Variants in MTUS2 observed in about 807,000 individuals in gnomAD.
The protein encoded by MTUS2 is microtubule-associated tumor suppressor candidate 2.
In MTUS2, 40 loss-of-function variants were observed where a neutral mutation model predicts 114.1. The observed-to-expected ratio is 0.35, with a 90% confidence interval of 0.27 to 0.46. MTUS2 has a LOEUF of 0.46. MTUS2 is among the 20% of genes least tolerant of loss of function. MTUS2 has a pLI of 1.00. For synonymous variants in MTUS2, 688 were observed against 672.0 expected (o/e 1.02, Z -0.37); for missense variants, 1,679 against 1,705.4 (o/e 0.98, Z 0.27).
intron 9 of MTUS2, among the ~76,000 whole-genome samples, chr13:29,471,747 C>CCCCCCCT (rs1555283307): frequency 3.1e-5 from 4 of 127,812 alleles, no homozygotes; most frequent in Non-Finnish European, 7.2e-5. Context: ...GCCCAGCCCC[C>CCCCCCCT]CCCGACACAT....
Position 29,252,282 on chromosome 13 carries a change from T to C in MTUS2, c.2645-29422T>C, listed in dbSNP as rs57832830. Among the ~76,000 whole-genome samples, 1,060 of 152,316 alleles carry C rather than the reference T, an allele frequency of 7.0e-3. 13 individuals carry two copies. Among genetic ancestry groups the C allele is most frequent in the African/African-American group, 0.024 (993 of 41,570 alleles). ...CAAGTCATGGCTCCTAGTTAGACCA[T>C]GAAATACTCGTTCCCGTGGACTTAT... On this transcript the variant is annotated intron_variant, in intron 5 of 15. Transcript: ENST00000612955.
chr13:28,875,997 A>T (rs1438815812), intron 2 of MTUS2, among the ~76,000 whole-genome samples: 1 of 152,252 alleles, frequency 6.6e-6, no homozygotes, highest in Admixed American at 6.5e-5. Flanking sequence ...GCACACCATT[A>T]TTCTGAAATG....
intron 7 of MTUS2, among the ~76,000 whole-genome samples, chr13:29,337,900 T>C (rs561071564): frequency 1.3e-5 from 2 of 151,252 alleles, no homozygotes; most frequent in Non-Finnish European, 2.9e-5. Context: ...GCAATTCTCC[T>C]GCCTCAGCCT....
At chr13:29,048,816 A>G (rs1031323533) in intron 4 of MTUS2, among the ~76,000 whole-genome samples, 1 of 151,980 alleles carries the variant, frequency 6.6e-6, no homozygotes, top group African/African-American at 2.4e-5. Context: ...TGTTGCTCAG[A>G]CTGTCTTGCT....
intron 9 of MTUS2, among the ~76,000 whole-genome samples, chr13:29,474,733 C>A (rs1288718438): frequency 6.6e-6 from 1 of 152,064 alleles, no homozygotes; most frequent in African/African-American, 2.4e-5. Context: ...TGAGTAGCCC[C>A]CTACTAGTTC....
Position 29,392,394 on chromosome 13 carries a change from G to A in MTUS2, c.3117+32921G>A, listed in dbSNP as rs888198485. On this transcript the variant is annotated intron_variant, in intron 8 of 15. Transcript: ENST00000612955. ...TTCAAGGTTTGTTCAGTTGCAGCAC[G>A]TGCACTTTCAGCCTTTGGGATCTGT... 2.0e-5 allele frequency among the ~76,000 whole-genome samples: 3 copies of A among 152,200 alleles called. 1 individual carries two copies. The highest frequency in any genetic ancestry group is 4.1e-4 in the South Asian group (2 of 4,822).
At position 28,850,363 on chromosome 13, in the gene MTUS2, CTTG is replaced by C. The variant is rs554425188; in HGVS notation, c.-243+10518_-243+10520del. On this transcript the variant is annotated intron_variant, in intron 2 of 15. Coordinates refer to ENST00000612955, the MANE Select transcript of MTUS2 (RefSeq NM_001033602.4). The stretch of plus-strand genomic sequence containing the variant: ...TACAACATGGAAAGTGTGTGTGTCT[CTTG>C]TTGTGCTCTGATCTTGGCTCGTGGC... Among the ~76,000 whole-genome samples the C allele has an allele frequency of 2.0e-3, 297 of 152,278 alleles. 3 individuals are homozygous for C. The highest frequency in any genetic ancestry group is 6.8e-3 in the African/African-American group (283 of 41,564).
At chr13:29,369,413 T>C (rs943328452) in intron 8 of MTUS2, among the ~76,000 whole-genome samples, 2 of 152,132 alleles carry the variant, frequency 1.3e-5, no homozygotes, top group African/African-American at 4.8e-5. Flanking sequence ...CAAATGCCGC[T>C]CTCCTCCCTT....
intron 8 of MTUS2, among the ~76,000 whole-genome samples, chr13:29,383,789 A>C (rs757325081): frequency 2.6e-5 from 4 of 152,172 alleles, no homozygotes; most frequent in African/African-American, 4.8e-5. Context: ...GGAAAAGGAG[A>C]TGCGGCACCT....
chr13:29,148,236 T>C (rs1307091523), intron 5 of MTUS2, among the ~76,000 whole-genome samples: 3 of 151,706 alleles, frequency 2.0e-5, no homozygotes, highest in Admixed American at 6.6e-5. Context: ...TTATTTTAAG[T>C]GCAGGGGTAC....
intron 4 of MTUS2, among the ~76,000 whole-genome samples, chr13:29,087,475 T>G (rs902386225): frequency 6.6e-6 from 1 of 152,188 alleles, no homozygotes; most frequent in Admixed American, 6.5e-5. Context: ...TGGATTAGCT[T>G]TTTGATGTGC....
At chr13:29,259,878 A>G (rs1897405791) in intron 5 of MTUS2, among the ~76,000 whole-genome samples, 2 of 152,174 alleles carry the variant, frequency 1.3e-5, no homozygotes, top group African/African-American at 4.8e-5. Flanking sequence ...TTCAGTCCCA[A>G]CAGTGCTTGC....
At chr13:29,138,190 G>A (rs916915174) in intron 5 of MTUS2, among the ~76,000 whole-genome samples, 1 of 151,990 alleles carries the variant, frequency 6.6e-6, no homozygotes, top group South Asian at 2.1e-4. Context: ...CTGGGGGATG[G>A]GTAGCTGCTC....
At chr13:28,832,348 A>G (rs1874745950) in intron 1 of MTUS2, among the ~76,000 whole-genome samples, 1 of 152,194 alleles carries the variant, frequency 6.6e-6, no homozygotes, top group South Asian at 2.1e-4. Flanking sequence ...TGATATTAGA[A>G]ATCAAGAATA....
At chr13:28,969,545 C>T (rs1162204617) in intron 2 of MTUS2, among the ~76,000 whole-genome samples, 1 of 152,056 alleles carries the variant, frequency 6.6e-6, no homozygotes, top group African/African-American at 2.4e-5. Flanking sequence ...CTCTGTCACC[C>T]AGGCTGGAGT....
chr13:28,851,537 T>C (rs1593245526), intron 2 of MTUS2, among the ~76,000 whole-genome samples: 3 of 152,342 alleles, frequency 2.0e-5, no homozygotes, highest in South Asian at 2.1e-4. Context: ...ATATATGATA[T>C]GGTTCTTGCC....
intron 8 of MTUS2, among the ~76,000 whole-genome samples, chr13:29,436,346 T>C (rs1459510117): frequency 1.3e-5 from 2 of 152,120 alleles, no homozygotes; most frequent in East Asian, 1.9e-4. Flanking sequence ...CACTTCACCA[T>C]AGAGTCCCAG....
intron 5 of MTUS2, among the ~76,000 whole-genome samples, chr13:29,254,715 C>T (rs1466187417): frequency 6.6e-6 from 1 of 152,224 alleles, no homozygotes; most frequent in Admixed American, 6.5e-5. Flanking sequence ...TTTCTCTGCA[C>T]CAATGATTCT....
chr13:28,856,697 A>G (rs1487249453), intron 2 of MTUS2, among the ~76,000 whole-genome samples: 1 of 152,198 alleles, frequency 6.6e-6, no homozygotes, highest in Non-Finnish European at 1.5e-5. Context: ...TTGTGCATTT[A>G]CGGCTGGCTA....
Sources: allele counts gnomAD v4.1 joint callset (sites outside exome capture counted in the v4.1 genomes callset), GRCh38; gene constraint gnomAD v4.1.1; transcripts MANE v1.5; gene names NCBI Gene and HGNC (gene_info 2026-07-23, HGNC 2026-07-21).